The following ASTN2 variants were observed in gnomAD, a reference collection of about 807,000 sequenced individuals.
The protein encoded by ASTN2 is astrotactin 2.
A neutral mutation model predicts 139.8 loss-of-function variants in ASTN2; 54 were observed. The observed-to-expected ratio is 0.39, with a 90% CI of 0.31 to 0.48. The LOEUF (loss-of-function observed/expected upper bound fraction) is 0.48, where lower values mean the gene tolerates loss of function less well. Ranked by LOEUF, ASTN2 falls within the 20% of genes least tolerant of loss-of-function variation. The pLI, the probability that ASTN2 is intolerant of heterozygous loss-of-function variation, is 0.95. For synonymous variants in ASTN2, 756 were observed against 719.5 expected (o/e 1.05, Z -0.81); for missense variants, 1,565 against 1,725.1 (o/e 0.91, Z 1.64).
chr9:116,665,705 A>G (rs1026031627), intron 16 of ASTN2, among the ~76,000 whole-genome samples: 2 of 152,232 alleles, frequency 1.3e-5, no homozygotes, highest in Non-Finnish European at 2.9e-5. Context: ...TCAAAAGGAC[A>G]TACAAACCAA....
In ASTN2 at chr9:117,414,419, G is replaced by C; in HGVS notation, c.442+78C>G. ...GGGCAGCCCCGGGCAGGGATCCCCA[G>C]GGCGCCCCCACCCGTCCGGCATGAC... On this transcript the variant is annotated intron_variant, in intron 1 of 22. Transcript: ENST00000313400. This position sits in a 1 kb window ranked among gnomAD's most constrained non-coding sequence, Gnocchi z 4.2. 1 of 1,571,530 alleles carries C rather than the reference G, an allele frequency of 6.4e-7. No individual in the cohort carries two copies. Among genetic ancestry groups the C allele is most frequent in the Non-Finnish European group, 8.6e-7 (1 of 1,159,416 alleles).
At chr9:116,857,928 G>A (rs1832780485) in intron 11 of ASTN2, among the ~76,000 whole-genome samples, 1 of 152,198 alleles carries the variant, frequency 6.6e-6, no homozygotes, top group Non-Finnish European at 1.5e-5. Context: ...TGCAGCTTCT[G>A]CCTAGGCACT....
intron 4 of ASTN2, among the ~76,000 whole-genome samples, chr9:117,104,492 A>C (rs1245574967): frequency 6.6e-6 from 1 of 150,770 alleles, no homozygotes; most frequent in African/African-American, 2.4e-5. Flanking sequence ...ATAAAGAAGA[A>C]AAAAGTAAAA....
intron 2 of ASTN2, among the ~76,000 whole-genome samples, chr9:117,258,870 C>G (rs1833754696): frequency 6.6e-6 from 1 of 152,094 alleles, no homozygotes; most frequent in South Asian, 2.1e-4. Flanking sequence ...AAAAGACACA[C>G]CAAAGTAGTA....
intron 19 of ASTN2, among the ~76,000 whole-genome samples, chr9:116,524,253 T>C (rs186777987): frequency 6.6e-6 from 1 of 152,324 alleles, no homozygotes; most frequent in East Asian, 1.9e-4. Context: ...AAATATCTTC[T>C]TACAAATTTT....
intron 16 of ASTN2, among the ~76,000 whole-genome samples, chr9:116,713,310 A>C (rs1828220797): frequency 6.6e-6 from 1 of 152,148 alleles, no homozygotes; most frequent in African/African-American, 2.4e-5. Context: ...AACAGCAAGG[A>C]AGACCCTAAA....
At chr9:116,664,411 T>C (rs777497034) in intron 16 of ASTN2, among the ~76,000 whole-genome samples, 12 of 148,568 alleles carry the variant, frequency 8.1e-5, no homozygotes, top group Admixed American at 1.3e-4. Context: ...CTCTTTTGTA[T>C]AGAAATATAT....
chr9:116,545,227 G>A (rs2119372677), intron 19 of ASTN2, among the ~76,000 whole-genome samples: 1 of 152,284 alleles, frequency 6.6e-6, no homozygotes, highest in Admixed American at 6.5e-5. Flanking sequence ...AGTTTGAGAG[G>A]GCCTGGAGTT....
chr9:116,760,113 G>A (rs1829638081), intron 13 of ASTN2, among the ~76,000 whole-genome samples: 1 of 152,150 alleles, frequency 6.6e-6, no homozygotes, highest in Admixed American at 6.5e-5. Context: ...TCATTGCAAA[G>A]CACATGTGCA....
intron 1 of ASTN2, among the ~76,000 whole-genome samples, chr9:117,337,924 A>C (rs575780516): frequency 5.5e-4 from 84 of 152,188 alleles, no homozygotes; most frequent in Non-Finnish European, 8.7e-4. Context: ...CACACAGCTA[A>C]GTGAGGTAAC....
chr9:116,499,033 G>A (rs1024452199), intron 19 of ASTN2, among the ~76,000 whole-genome samples: 6 of 152,092 alleles, frequency 3.9e-5, no homozygotes, highest in Non-Finnish European at 7.4e-5. Flanking sequence ...CATCATCTCA[G>A]CTGAAGTTCC....
intron 3 of ASTN2, among the ~76,000 whole-genome samples, chr9:117,161,361 T>A (rs1830547559): frequency 1.3e-5 from 2 of 151,990 alleles, no homozygotes; most frequent in South Asian, 4.1e-4. Context: ...TGAGGAGAAC[T>A]GGAGCAGCTT....
intron 19 of ASTN2, among the ~76,000 whole-genome samples, chr9:116,566,699 C>T (rs1453658254): frequency 6.6e-6 from 1 of 152,194 alleles, no homozygotes; most frequent in African/African-American, 2.4e-5. Context: ...TGCATCTGCA[C>T]TGAGGACACA....
At chr9:116,710,733 C>CAAAAAAAAAAAAAAA (rs57745448) in intron 16 of ASTN2, among the ~76,000 whole-genome samples, 1 of 72,578 alleles carries the variant, frequency 1.4e-5, no homozygotes, top group Non-Finnish European at 2.5e-5. Context: ...AACTCCGTCT[C>CAAAAAAAAAAAAAAA]AAAAAAAAAA....
At chr9:116,444,071 C>G (rs759708794) in intron 20 of ASTN2, among the ~76,000 whole-genome samples, 1 of 151,316 alleles carries the variant, frequency 6.6e-6, no homozygotes, top group Non-Finnish European at 1.5e-5. Context: ...ATTAATTCCC[C>G]CACACAATCC....
Position 117,039,857 on chromosome 9 carries a change from T to C in ASTN2, c.1385A>G (p.Lys462Arg). ...GSQMSCPLTV[K>R]VTLHVPEHFI... ...GTGCTCGGGCACATGCAGAGTCACC[T>C]TCACAGTGAGTGGACAAGACATCTG... Residue 462 changes from lysine to arginine, a missense_variant, in exon 6 of 23, where the codon AAG (lysine) becomes AGG (arginine). Lys to Arg is a conservative substitution (Grantham distance 26). This residue lies in a region of ASTN2 where 503 missense variants were observed against 591.7 expected (regional missense o/e 0.85). Transcript: ENST00000313400. The C allele has an allele frequency of 6.2e-7, 1 of 1,613,774 alleles. No homozygotes were observed.
chr9:116,621,449 AC>A, intron 17 of ASTN2, among the ~76,000 whole-genome samples: 1 of 151,870 alleles, frequency 6.6e-6, no homozygotes, highest in African/African-American at 2.4e-5. Flanking sequence ...ACGCACACAC[AC>A]ACACACACAC....
Position 116,440,640 on chromosome 9 carries a change from C to A in ASTN2, c.3751G>T (p.Val1251Phe). 4.3e-6 allele frequency: 7 copies of A among 1,613,904 alleles called. No individual in the cohort carries two copies. The highest frequency in any genetic ancestry group is 5.9e-6 in the Non-Finnish European group (7 of 1,180,036). Residue 1251 changes from valine to phenylalanine, a missense_variant, in exon 22 of 23, where the codon GTC becomes TTC. Val to Phe is a conservative substitution (Grantham distance 50). Around this residue, in one of 4 missense-constraint regions of ASTN2, gnomAD observed 418 missense variants for 465.8 expected, o/e 0.90. Coordinates refer to ENST00000313400, the MANE Select transcript of ASTN2 (RefSeq NM_001365068.1). ...CCCAGCTCATCCTCACTTCTCCAGA[C>A]GAAGTCGCCAAACTTTTCATAGTGA... ...NSHYEKFGDF[V>F]WRSEDELGPR...
intron 1 of ASTN2, among the ~76,000 whole-genome samples, chr9:117,328,085 A>G (rs534136309): frequency 5.9e-5 from 9 of 152,284 alleles, no homozygotes; most frequent in African/African-American, 1.4e-4. Flanking sequence ...TGATTCTTAG[A>G]TCAGGATTCT....
Sources: gnomAD v4.1 joint callset for allele counts (sites outside exome capture counted in the v4.1 genomes callset) on GRCh38, gnomAD v4.1.1 for gene constraint, gnomAD v4.1.1 regional missense constraint, Gnocchi (gnomAD v3.1) non-coding constraint, MANE v1.5 for transcripts, NCBI Gene and HGNC (gene_info 2026-07-23, HGNC 2026-07-21) for gene names.